NLGN1: variants seen among roughly 807,000 people sequenced by gnomAD.
The protein encoded by NLGN1 is neuroligin 1.
NLGN1 carries 12 observed loss-of-function variants against 65.5 expected under a neutral mutation model. That is an observed-to-expected ratio of 0.18 (90% confidence interval 0.12 to 0.30). The LOEUF (loss-of-function observed/expected upper bound fraction) is 0.30, where lower values mean the gene tolerates loss of function less well. Among genes scored for constraint, NLGN1 ranks in the 10% least tolerant of loss-of-function variants. NLGN1 has a pLI of 1.00. For synonymous variants in NLGN1, 350 were observed against 359.5 expected (o/e 0.97, Z 0.30); for missense variants, 750 against 1,007.1 (o/e 0.74, Z 3.46).
chr3:173,852,042 A>C (rs1727030600), intron 4 of NLGN1, among the ~76,000 whole-genome samples: 1 of 152,104 alleles, frequency 6.6e-6, no homozygotes, highest in Non-Finnish European at 1.5e-5. Flanking sequence ...AAGAATATAA[A>C]ATTATGAATC....
At chr3:173,766,853 G>C (rs1778850521) in intron 3 of NLGN1, among the ~76,000 whole-genome samples, 1 of 152,170 alleles carries the variant, frequency 6.6e-6, no homozygotes, top group Non-Finnish European at 1.5e-5. Flanking sequence ...TTTTATGGCT[G>C]TCATCTTATA....
chr3:174,211,618 C>T (rs904736873), intron 4 of NLGN1, among the ~76,000 whole-genome samples: 69 of 151,502 alleles, frequency 4.6e-4, no homozygotes, highest in African/African-American at 1.4e-3. Context: ...TACAGAGTGT[C>T]GATTGGTGCA....
At chr3:174,124,598 T>TATATACGTATAC (rs1553939368) in intron 4 of NLGN1, among the ~76,000 whole-genome samples, 1 of 80,156 alleles carries the variant, frequency 1.2e-5, no homozygotes, top group African/African-American at 1.2e-4. Flanking sequence ...TATATACGTA[T>TATATACGTATAC]ACATATATAC....
At chr3:173,571,565 T>C (rs574248564) in intron 2 of NLGN1, among the ~76,000 whole-genome samples, 1 of 152,338 alleles carries the variant, frequency 6.6e-6, no homozygotes, top group African/African-American at 2.4e-5. Flanking sequence ...CAGAATGAAT[T>C]TTATTAAAAG....
chr3:173,415,919 G>GGA (rs1167795390), intron 1 of NLGN1, among the ~76,000 whole-genome samples: 3,376 of 125,008 alleles, frequency 0.027, 76 homozygotes, highest in African/African-American at 0.049. Flanking sequence ...AGAGAGAGAG[G>GGA]GAGAGAGAGA....
chr3:173,545,377 G>A (rs1010983892), intron 2 of NLGN1, among the ~76,000 whole-genome samples: 4 of 151,734 alleles, frequency 2.6e-5, no homozygotes, highest in South Asian at 2.1e-4. Context: ...CCTGGCCCTC[G>A]GTAAAGTTTT....
chr3:174,141,705 G>A (rs1022789003), intron 4 of NLGN1, among the ~76,000 whole-genome samples: 1 of 152,144 alleles, frequency 6.6e-6, no homozygotes, highest in Non-Finnish European at 1.5e-5. Context: ...CAGAAGCCAC[G>A]TGCCAGCTTT....
intron 4 of NLGN1, among the ~76,000 whole-genome samples, chr3:174,123,361 G>C (rs1718183175): frequency 6.6e-6 from 1 of 152,002 alleles, no homozygotes. Flanking sequence ...ATTTCTGCCT[G>C]GGAGTTCATC....
intron 3 of NLGN1, among the ~76,000 whole-genome samples, chr3:173,675,015 T>A (rs1196814186): frequency 1.3e-5 from 2 of 152,086 alleles, no homozygotes; most frequent in East Asian, 3.9e-4. Flanking sequence ...ATCAGTGTGG[T>A]AGCATTATTT....
intron 2 of NLGN1, among the ~76,000 whole-genome samples, chr3:173,475,676 G>T (rs958494276): frequency 6.6e-6 from 1 of 152,104 alleles, no homozygotes. Context: ...TTTAGCAAGA[G>T]TTAATTAATG....
At chr3:174,294,153 T>C in the NLGN1 span, among the ~76,000 whole-genome samples, 6 of 151,860 alleles carry the variant, frequency 4.0e-5, no homozygotes, top group Non-Finnish European at 8.8e-5. Context: ...TATCAATTTT[T>C]TATATTTTCC....
At chr3:173,651,028 A>T (rs1759088799) in intron 3 of NLGN1, among the ~76,000 whole-genome samples, 1 of 151,942 alleles carries the variant, frequency 6.6e-6, no homozygotes, top group African/African-American at 2.4e-5. Flanking sequence ...TGTAAGCCTC[A>T]CTTGAATAAT....
intron 4 of NLGN1, among the ~76,000 whole-genome samples, chr3:173,876,634 A>G (rs1323326585): frequency 6.6e-6 from 1 of 152,158 alleles, no homozygotes; most frequent in Non-Finnish European, 1.5e-5. Context: ...TTTTGTTGCC[A>G]GAAAATAAAA....
At chr3:174,267,245 T>G (rs1384771851) in intron 4 of NLGN1, among the ~76,000 whole-genome samples, 1 of 152,212 alleles carries the variant, frequency 6.6e-6, no homozygotes, top group Non-Finnish European at 1.5e-5. Flanking sequence ...CACAGCAGCA[T>G]CTACTTCTGG....
rs1267573515 is a variant in NLGN1 at position 173,559,441 on chromosome 3, C to T, written c.-320-44838C>T. The stretch of plus-strand genomic sequence containing the variant: ...GACTTGACCCAATGAATACAAGATG[C>T]TATACTCATGGCTCACCTATTGAAT... On this transcript the variant is annotated intron_variant, in intron 2 of 6. Transcript: ENST00000457714. 9.2e-5 allele frequency among the ~76,000 whole-genome samples: 14 copies of T among 152,292 alleles called. No individual in the cohort carries two copies. In the East Asian group the frequency reaches 2.5e-3, roughly 27 times the overall value.
chr3:173,445,629 A>G (rs1720125249), intron 2 of NLGN1, among the ~76,000 whole-genome samples: 1 of 152,234 alleles, frequency 6.6e-6, no homozygotes, highest in Non-Finnish European at 1.5e-5. Context: ...CTGCTGAGAT[A>G]TGTTGGACAG....
chr3:174,040,540 A>G (rs1485606899), intron 4 of NLGN1, among the ~76,000 whole-genome samples: 1 of 152,148 alleles, frequency 6.6e-6, no homozygotes, highest in Admixed American at 6.6e-5. Context: ...AAATTGATAA[A>G]CAAAAAAATT....
In NLGN1 at chr3:174,115,848, A is replaced by G. The variant is rs143173479; in HGVS notation, c.647-159467A>G. On this transcript the variant is annotated intron_variant, in intron 4 of 6. Coordinates refer to ENST00000457714, the Ensembl canonical transcript of NLGN1. The stretch of plus-strand genomic sequence containing the variant: ...TGAGCTTTAATGCTTTATTTGCTCA[A>G]TGAAGATGTTGAAGTACATGACATG... Among the ~76,000 whole-genome samples the G allele has an allele frequency of 6.6e-5, 10 of 152,330 alleles. No homozygotes were observed. In the East Asian group the frequency reaches 1.9e-3, roughly 29 times the overall value.
At chr3:173,626,935 G>A (rs1356123034) in intron 3 of NLGN1, among the ~76,000 whole-genome samples, 1 of 152,024 alleles carries the variant, frequency 6.6e-6, no homozygotes, top group East Asian at 1.9e-4. Flanking sequence ...CTAGCAGGAG[G>A]AAAAGGTAGA....
Sources: allele counts gnomAD v4.1 joint callset (sites outside exome capture counted in the v4.1 genomes callset), GRCh38; gene constraint gnomAD v4.1.1; transcripts MANE v1.5; gene names NCBI Gene and HGNC (gene_info 2026-07-23, HGNC 2026-07-21).